The following SPAG17 variants were observed in gnomAD, a reference collection of about 807,000 sequenced individuals.
The protein encoded by SPAG17 is sperm-associated antigen 17.
SPAG17 carries 169 observed loss-of-function variants against 273.6 expected under a neutral mutation model. The ratio of observed to expected loss-of-function variants is 0.62; its 90% CI spans 0.55 to 0.70. The LOEUF is 0.70. Among genes scored for constraint, SPAG17 ranks in the 30% least tolerant of loss-of-function variants. The pLI is 0.00. For missense variants in SPAG17, 2,557 were observed against 2,627.8 expected (o/e 0.97, Z 0.59); for synonymous variants, 825 against 873.2 (o/e 0.94, Z 0.97).
At position 117,973,577 on chromosome 1, in the gene SPAG17, CT is replaced by C. The variant is rs1195984767; in HGVS notation, c.6005-17del. The C allele has an allele frequency of 6.2e-7, 1 of 1,610,814 alleles. No individual in the cohort carries two copies. Among genetic ancestry groups the C allele is most frequent in the East Asian group, 2.2e-5 (1 of 44,828 alleles). On this transcript the variant is annotated splice_polypyrimidine_tract_variant and intron_variant, in intron 43 of 48. Coordinates refer to ENST00000336338, the MANE Select transcript of SPAG17 (RefSeq NM_206996.4). ...GATTCTGCTTCTGTTAGAGAGAAAG[CT>C]TAAATTATGCCACATGGACATTTTA... is the stretch of plus-strand genomic sequence containing the variant.
intron 21 of SPAG17, among the ~76,000 whole-genome samples, chr1:118,041,119 G>C (rs1396958707): frequency 6.6e-6 from 1 of 152,166 alleles, no homozygotes; most frequent in Non-Finnish European, 1.5e-5. Flanking sequence ...GGCAGTTCAA[G>C]AAGAAATCAA....
chr1:118,041,150 A>G (rs901396576), intron 21 of SPAG17, among the ~76,000 whole-genome samples: 9 of 152,156 alleles, frequency 5.9e-5, no homozygotes, highest in African/African-American at 2.2e-4. Flanking sequence ...ACTGGTTGTT[A>G]ATTTTCTGTT....
intron 4 of SPAG17, among the ~76,000 whole-genome samples, chr1:118,102,307 C>A (rs377111813): frequency 5.5e-4 from 84 of 152,210 alleles, no homozygotes; most frequent in African/African-American, 1.9e-3. Context: ...CCCTGGGGAG[C>A]CTCTGTCTGA....
intron 45 of SPAG17, 61 bp from the exon 46 acceptor site, chr1:117,970,177 AGCT>A: frequency 6.6e-7 from 1 of 1,505,784 alleles, no homozygotes; most frequent in Non-Finnish European, 9.1e-7. Flanking sequence ...GCAATGAATA[AGCT>A]GGGATGTTAT....
At chr1:117,964,515 C>T (rs1223753382) in intron 47 of SPAG17, 1 of 152,048 alleles carries the variant, frequency 6.6e-6, no homozygotes, top group African/African-American at 2.4e-5. Context: ...TGGCTAGTTT[C>T]CTTCTGTCAC....
chr1:118,126,100 G>A (rs1320670541), intron 3 of SPAG17, among the ~76,000 whole-genome samples: 1 of 142,618 alleles, frequency 7.0e-6, no homozygotes, highest in African/African-American at 2.6e-5. Context: ...TCTCATTATG[G>A]TTTTGATTTG....
chr1:118,146,775 T>C (rs1336147511), intron 3 of SPAG17, among the ~76,000 whole-genome samples: 1 of 152,222 alleles, frequency 6.6e-6, no homozygotes, highest in Non-Finnish European at 1.5e-5. Flanking sequence ...TTCTTCATTT[T>C]GCTAGTGAGC....
intron 3 of SPAG17, among the ~76,000 whole-genome samples, chr1:118,146,412 A>C (rs939280370): frequency 2.0e-5 from 3 of 152,224 alleles, no homozygotes; most frequent in African/African-American, 7.2e-5. Context: ...ATAGGTAGCA[A>C]GTATACTTAA....
intron 22 of SPAG17, among the ~76,000 whole-genome samples, chr1:118,039,939 C>G (rs1649542265): frequency 6.6e-6 from 1 of 152,088 alleles, no homozygotes; most frequent in African/African-American, 2.4e-5. Flanking sequence ...CTTCTAGTCA[C>G]ATTTCAAACT....
intron 24 of SPAG17, 23 bp downstream of exon 24, chr1:118,036,747 C>T (rs1649134456): frequency 2.0e-6 from 3 of 1,503,418 alleles, no homozygotes; most frequent in Non-Finnish European, 2.7e-6. Context: ...GCACACTTAT[C>T]CTTGCTGTTG....
At chr1:117,970,034 A>G (rs765771660) in intron 46 of SPAG17, 22 bp downstream of exon 46, 5 of 1,611,516 alleles carry the variant, frequency 3.1e-6, no homozygotes, top group South Asian at 1.1e-5. Context: ...AGCACACACA[A>G]CAGATGACAT....
intron 40 of SPAG17, 132 bp downstream of exon 40, chr1:117,987,702 A>G: frequency 5.8e-6 from 5 of 857,430 alleles, no homozygotes; most frequent in South Asian, 3.4e-5. Context: ...CTGAATGACC[A>G]CTTGGTAGAC....
At chr1:117,977,076 G>A (rs972881952) in intron 43 of SPAG17, among the ~76,000 whole-genome samples, 7 of 151,830 alleles carry the variant, frequency 4.6e-5, no homozygotes, top group African/African-American at 7.3e-5. Flanking sequence ...TTGGGAGGCC[G>A]AGGTGGGCAG....
intron 43 of SPAG17, among the ~76,000 whole-genome samples, chr1:117,980,524 G>A (rs751189629): frequency 7.2e-5 from 11 of 152,172 alleles, no homozygotes; most frequent in Non-Finnish European, 1.3e-4. Context: ...GAGCCACAGT[G>A]CCTGGCCAGG....
chr1:117,986,315 T>C (rs536297515), intron 40 of SPAG17, among the ~76,000 whole-genome samples: 1 of 152,378 alleles, frequency 6.6e-6, no homozygotes, highest in South Asian at 2.1e-4. Flanking sequence ...ATCAACCTTG[T>C]AACTGATAAA....
chr1:117,978,972 A>G (rs1356919629), intron 43 of SPAG17, among the ~76,000 whole-genome samples: 1 of 151,148 alleles, frequency 6.6e-6, no homozygotes, highest in Non-Finnish European at 1.5e-5. Context: ...GGTTCAAGCG[A>G]TTCTCCTGCC....
chr1:117,966,535 T>G (rs1313561203), intron 47 of SPAG17, 74 bp downstream of exon 47: 2 of 1,323,804 alleles, frequency 1.5e-6, no homozygotes, highest in Non-Finnish European at 2.0e-6. Flanking sequence ...AGATGCATTT[T>G]GACTTCCATG....
chr1:118,004,532 C>T lies in SPAG17; in HGVS notation c.4776+882G>A, dbSNP rs1043681902. ...AAGCCTCAGCAATGGCGGACCCCCT[C>T]CCCCAGCCAGGCTGCTGCCTCACAG... is the stretch of plus-strand genomic sequence containing the variant. On this transcript the variant is annotated intron_variant, in intron 32 of 48. Coordinates refer to ENST00000336338, the MANE Select transcript of SPAG17 (RefSeq NM_206996.4). 3.9e-5 allele frequency among the ~76,000 whole-genome samples: 6 copies of T among 152,360 alleles called. No individual in the cohort carries two copies. The South Asian group carries it at 6.2e-4, about 16-fold the overall frequency.
intron 4 of SPAG17, among the ~76,000 whole-genome samples, chr1:118,105,212 G>T (rs1414324274): frequency 6.6e-6 from 1 of 152,126 alleles, no homozygotes; most frequent in Non-Finnish European, 1.5e-5. Context: ...CATCAACTGA[G>T]AAAAGGCAGG....
Sources: allele counts gnomAD v4.1 joint callset (sites outside exome capture counted in the v4.1 genomes callset), GRCh38; gene constraint gnomAD v4.1.1; transcripts MANE v1.5; gene names NCBI Gene and HGNC (gene_info 2026-07-23, HGNC 2026-07-21).